Variants in SOX6 observed in about 807,000 individuals in gnomAD.
SOX6 encodes transcription factor SOX-6.
In SOX6, 11 loss-of-function variants were observed where a neutral mutation model predicts 97.8. That is an observed-to-expected ratio of 0.11 (90% CI 0.07 to 0.19). SOX6 has a LOEUF of 0.19. SOX6 is among the 10% of genes least tolerant of loss of function. The pLI, the probability that SOX6 is intolerant of heterozygous loss-of-function variation, is 1.00. For missense variants in SOX6, 810 were observed against 1,039.5 expected (o/e 0.78, Z 3.04); for synonymous variants, 360 against 371.4 (o/e 0.97, Z 0.35).
chr11:16,408,323 GC>G (rs1858727413), intron 1 of SOX6, among the ~76,000 whole-genome samples: 1 of 152,154 alleles, frequency 6.6e-6, no homozygotes, highest in Non-Finnish European at 1.5e-5. Flanking sequence ...AAACAAAAGT[GC>G]TTGCATATCA....
At chr11:16,146,254 G>T (rs1425684829) in intron 6 of SOX6, among the ~76,000 whole-genome samples, 2 of 152,118 alleles carry the variant, frequency 1.3e-5, no homozygotes, top group Non-Finnish European at 1.5e-5. Context: ...AATGGGGAAA[G>T]GATTCCCTAT....
intron 4 of SOX6, among the ~76,000 whole-genome samples, chr11:16,488,566 T>C (rs2133130753): frequency 6.6e-6 from 1 of 152,242 alleles, no homozygotes; most frequent in South Asian, 2.1e-4. Flanking sequence ...ATCCACTTTT[T>C]AAAGAGGAAT....
At chr11:16,210,146 C>A (rs965854804) in intron 4 of SOX6, among the ~76,000 whole-genome samples, 1 of 151,594 alleles carries the variant, frequency 6.6e-6, no homozygotes, top group Non-Finnish European at 1.5e-5. Context: ...GTATTTATAC[C>A]CAAAAGGAAT....
chr11:16,697,732 T>C (rs1303883638), intron 3 of SOX6, among the ~76,000 whole-genome samples: 1 of 152,250 alleles, frequency 6.6e-6, no homozygotes, highest in Non-Finnish European at 1.5e-5. Flanking sequence ...AAATTACTCC[T>C]TGGTCCATGG....
At chr11:16,001,890 G>A (rs898890220) in intron 13 of SOX6, among the ~76,000 whole-genome samples, 1 of 152,046 alleles carries the variant, frequency 6.6e-6, no homozygotes, top group Non-Finnish European at 1.5e-5. Context: ...ATCAACAAGA[G>A]GAACCAAAGG....
intron 6 of SOX6, among the ~76,000 whole-genome samples, chr11:16,157,088 G>A (rs926443015): frequency 1.6e-4 from 24 of 152,078 alleles, no homozygotes; most frequent in African/African-American, 5.5e-4. Flanking sequence ...GTCAACCAAT[G>A]CAGAAATGTG....
chr11:16,283,794 ATGC>A (rs1285189096), intron 3 of SOX6: 1 of 300,154 alleles, frequency 3.3e-6, no homozygotes, highest in Non-Finnish European at 6.4e-6. Context: ...ACTCTATTCA[ATGC>A]TGCTAATGTT....
chr11:16,244,586 C>A (rs917021717), intron 3 of SOX6, among the ~76,000 whole-genome samples: 4 of 151,518 alleles, frequency 2.6e-5, no homozygotes, highest in African/African-American at 9.7e-5. Flanking sequence ...GGTCTATGAT[C>A]AATTTTAATT....
At chr11:16,130,915 T>A (rs2134019213) in intron 6 of SOX6, among the ~76,000 whole-genome samples, 1 of 151,974 alleles carries the variant, frequency 6.6e-6, no homozygotes, top group Admixed American at 6.6e-5. Flanking sequence ...TAGGTATCTG[T>A]AAAGGAAAAA....
At chr11:16,361,800 G>C (rs1338955464) in intron 1 of SOX6, among the ~76,000 whole-genome samples, 1 of 152,130 alleles carries the variant, frequency 6.6e-6, no homozygotes, top group African/African-American at 2.4e-5. Flanking sequence ...ACTTTATTAA[G>C]CTGTTGCAAA....
intron 13 of SOX6, among the ~76,000 whole-genome samples, chr11:15,995,989 G>C (rs572688996): frequency 1.3e-5 from 2 of 152,150 alleles, no homozygotes; most frequent in East Asian, 3.9e-4. Flanking sequence ...AAGAGGAAAA[G>C]AAATAACACT....
chr11:16,500,446 G>T (rs939816393), intron 4 of SOX6, among the ~76,000 whole-genome samples: 5 of 152,116 alleles, frequency 3.3e-5, no homozygotes, highest in Non-Finnish European at 4.4e-5. Flanking sequence ...ACGTAGTGTT[G>T]GAAGTTCTAG....
chr11:16,181,057 C>T (rs1462045518), intron 6 of SOX6, among the ~76,000 whole-genome samples: 2 of 151,484 alleles, frequency 1.3e-5, no homozygotes, highest in African/African-American at 2.4e-5. Context: ...AGGCACTCTT[C>T]CCTTTGTTTC....
chr11:16,132,388 A>G (rs1590216349), intron 6 of SOX6, among the ~76,000 whole-genome samples: 1 of 99,962 alleles, frequency 1.0e-5, no homozygotes, highest in Admixed American at 1.2e-4. Flanking sequence ...GAAAGAAAGA[A>G]AGAAAGAAAG....
At chr11:16,404,124 G>A (rs1384423908) in intron 1 of SOX6, among the ~76,000 whole-genome samples, 1 of 151,836 alleles carries the variant, frequency 6.6e-6, no homozygotes, top group African/African-American at 2.4e-5. Flanking sequence ...TGAATTGTGG[G>A]GAAGGGACGT....
At chr11:16,601,402 A>G (rs1192512832) in intron 4 of SOX6, among the ~76,000 whole-genome samples, 7 of 152,158 alleles carry the variant, frequency 4.6e-5, no homozygotes, top group Non-Finnish European at 4.4e-5. Context: ...AAAAACATCA[A>G]TTGATATATA....
intron 4 of SOX6, among the ~76,000 whole-genome samples, chr11:16,569,506 A>T (rs1847913532): frequency 6.6e-6 from 1 of 152,108 alleles, no homozygotes; most frequent in African/African-American, 2.4e-5. Context: ...TTTTAAATAT[A>T]AGAATTATCA....
chr11:16,375,967 G>T (rs1857631403), intron 1 of SOX6, among the ~76,000 whole-genome samples: 1 of 152,090 alleles, frequency 6.6e-6, no homozygotes, highest in African/African-American at 2.4e-5. Context: ...TCATAAGTGG[G>T]AGTTGAACAA....
intron 6 of SOX6, among the ~76,000 whole-genome samples, chr11:16,116,287 T>G (rs1019226613): frequency 2.0e-5 from 3 of 152,190 alleles, no homozygotes; most frequent in Non-Finnish European, 4.4e-5. Context: ...CTCTATCTCA[T>G]TTAATCCTCA....
Sources: gnomAD v4.1 joint callset for allele counts (sites outside exome capture counted in the v4.1 genomes callset) on GRCh38, gnomAD v4.1.1 for gene constraint, MANE v1.5 for transcripts, NCBI Gene and HGNC (gene_info 2026-07-23, HGNC 2026-07-21) for gene names.